Variants in ARRB1 observed in about 807,000 individuals in gnomAD.
ARRB1 encodes the protein arrestin beta 1.
Under a neutral mutation model 56.8 loss-of-function variants are expected in ARRB1, and 21 were observed. That is an observed-to-expected ratio of 0.37 (90% CI 0.26 to 0.53). The LOEUF is 0.53. Ranked by LOEUF, ARRB1 falls within the 20% of genes least tolerant of loss-of-function variation. The probability of loss-of-function intolerance (pLI) is 0.88; values close to 1 mark genes in which losing one functional copy is unlikely to be tolerated. For synonymous variants in ARRB1, 210 were observed against 218.6 expected (o/e 0.96, Z 0.35); for missense variants, 424 against 553.7 (o/e 0.77, Z 2.35).
intron 8 of ARRB1, 105 bp downstream of exon 8, chr11:75,278,504 G>A (rs552405691): frequency 2.5e-4 from 375 of 1,497,412 alleles, no homozygotes; most frequent in Non-Finnish European, 3.3e-4. Flanking sequence ...GCTGGGGATA[G>A]AAGCTCCTAC....
At chr11:75,335,216 G>T in intron 1 of ARRB1, 1 of 199,138 alleles carries the variant, frequency 5.0e-6, no homozygotes, top group East Asian at 1.7e-4. Context: ...CTTCTTGATG[G>T]GAGTCCCGCT....
In ARRB1 at chr11:75,285,707, CA is replaced by C. The variant is rs540969004; in HGVS notation, c.113-1429del. On this transcript the variant is annotated intron_variant, in intron 3 of 15. Transcript: ENST00000420843. ...GAGTTCTCGGGGATACCAGGGCTCA[CA>C]AGGGGCCTGGCACAAAGGGGGTGCT... is the stretch of plus-strand genomic sequence containing the variant. Among the ~76,000 whole-genome samples the C allele has an allele frequency of 2.5e-4, 38 of 152,282 alleles. 1 individual carries two copies. The South Asian group carries it at 7.5e-3, about 30-fold the overall frequency.
chr11:75,276,899 G>A lies in ARRB1; in HGVS notation c.716C>T (p.Ala239Val). 6.2e-7 allele frequency: 1 copy of A among 1,614,170 alleles called. No homozygotes were observed. Among genetic ancestry groups the A allele is most frequent in the Non-Finnish European group, 8.5e-7 (1 of 1,179,984 alleles). ...KKIKISVRQYADICLFNTAQY... is the reference protein window; with the variant it reads ...KKIKISVRQYVDICLFNTAQY... ...AGCTGTGTTGAAAAGGCAGATGTCT[G>A]CATACTGGCGCACTAGGGAGGGAGA... The change falls in exon 10 of 16, where the codon GCA (alanine) becomes GTA (valine). Residue 239 changes from alanine (A) to valine (V), a missense_variant. By Grantham distance (64) the Ala-to-Val change is moderately conservative (BLOSUM62 0). Transcript: ENST00000420843.
At chr11:75,297,864 CAAAAAA>C (rs34831668) in intron 1 of ARRB1, among the ~76,000 whole-genome samples, 4,034 of 29,192 alleles carry the variant, frequency 0.14, 91 homozygotes, top group Middle Eastern at 0.33. Context: ...GACTTTGTCT[CAAAAAA>C]AAAAAAAAAA....
intron 1 of ARRB1, among the ~76,000 whole-genome samples, chr11:75,321,940 G>A (rs1947354614): frequency 1.3e-5 from 2 of 152,164 alleles, no homozygotes; most frequent in South Asian, 4.1e-4. Flanking sequence ...AACTCCTTTG[G>A]TTACCATGAC....
intron 1 of ARRB1, among the ~76,000 whole-genome samples, chr11:75,338,445 G>T (rs1353012656): frequency 1.3e-5 from 2 of 152,306 alleles, no homozygotes; most frequent in Middle Eastern, 3.4e-3. Flanking sequence ...CCACAGGAAG[G>T]CATGGTTTTC....
intron 1 of ARRB1, among the ~76,000 whole-genome samples, chr11:75,346,294 A>G (rs1255847886): frequency 6.6e-6 from 1 of 151,992 alleles, no homozygotes; most frequent in Non-Finnish European, 1.5e-5. Context: ...AGCACATTAC[A>G]TGTCTTCCCC....
At position 75,263,031 on chromosome 11, in the gene ARRB1, G is replaced by A. The variant is rs1188953776; in HGVS notation, c.*3132C>T. 5.3e-5 allele frequency among the ~76,000 whole-genome samples: 8 copies of A among 152,214 alleles called. No individual in the cohort carries two copies. Among genetic ancestry groups the A allele is most frequent in the African/African-American group, 7.2e-5 (3 of 41,454 alleles). On this transcript the variant is annotated 3_prime_UTR_variant, in exon 16 of 16. Transcript: ENST00000420843. ...CGGGGCATGCTTTTCCTTCCTGCCC[G>A]GACCGGTGTCCACACGCCACCCACA...
At chr11:75,324,140 GTGGAGGGTTTTGT>G (rs1947391052) in intron 1 of ARRB1, among the ~76,000 whole-genome samples, 1 of 152,182 alleles carries the variant, frequency 6.6e-6, no homozygotes. Context: ...CTTGTCTAAT[GTGGAGGGTTTTGT>G]TGTTGCTTAA....
intron 1 of ARRB1, among the ~76,000 whole-genome samples, chr11:75,291,495 T>C (rs1402072193): frequency 6.6e-6 from 1 of 152,156 alleles, no homozygotes; most frequent in East Asian, 1.9e-4. Flanking sequence ...GTCACCCAGC[T>C]GGATAAGGAA....
intron 8 of ARRB1, among the ~76,000 whole-genome samples, chr11:75,278,058 TACAAA>T (rs1291263977): frequency 6.6e-6 from 1 of 152,186 alleles, no homozygotes; most frequent in Non-Finnish European, 1.5e-5. Flanking sequence ...TCTGAATCCC[TACAAA>T]AAGACCTCAA....
In ARRB1 at chr11:75,264,444, G is replaced by A. The variant is rs1945865617; in HGVS notation, c.*1719C>T. ...TGTCTGTGCCCACAGGGGGCTGTGA[G>A]GTACTGCAAGCCCTATCATAAGCCC... On this transcript the variant is annotated 3_prime_UTR_variant, in exon 16 of 16. Coordinates refer to ENST00000420843, the MANE Select transcript of ARRB1 (RefSeq NM_004041.5). The A allele has an allele frequency of 6.6e-6, 1 of 152,230 alleles. No individual in the cohort carries two copies. Among genetic ancestry groups the A allele is most frequent in the South Asian group, 2.1e-4 (1 of 4,830 alleles). The allele number at this position is 152,230 out of a possible 1,614,324, so 9.4% of individuals were successfully genotyped here.
chr11:75,277,379 T>C lies in ARRB1; in HGVS notation c.688A>G (p.Lys230Glu). The change falls in exon 9 of 16, where the codon AAG becomes GAG. Residue 230 changes from lysine (K) to glutamate (E), a missense_variant. Physicochemically the swap from Lys to Glu is moderately conservative, Grantham distance 56 (BLOSUM62 1). Around this residue, in one of 3 missense-constraint regions of ARRB1, gnomAD observed 301 missense variants for 387.9 expected, o/e 0.78. Transcript: ENST00000420843. ...VTNNTNKTVK[K>E]IKISVRQYAD... ...TCTGGGATACCTGAGATCTTGATCT[T>C]CTTCACCGTCTTGTTGGTGTTGTTG... 1.2e-6 allele frequency: 2 copies of C among 1,614,186 alleles called. No individual in the cohort carries two copies. The highest frequency in any genetic ancestry group is 1.7e-6 in the Non-Finnish European group (2 of 1,179,986).
intron 1 of ARRB1, among the ~76,000 whole-genome samples, chr11:75,312,396 G>C (rs1947181062): frequency 6.6e-6 from 1 of 152,168 alleles, no homozygotes; most frequent in African/African-American, 2.4e-5. Flanking sequence ...GACTGCCAGG[G>C]ACCTTGTCTT....
intron 1 of ARRB1, among the ~76,000 whole-genome samples, chr11:75,310,652 C>T (rs920695788): frequency 2.6e-5 from 4 of 152,134 alleles, no homozygotes; most frequent in African/African-American, 7.2e-5. Context: ...ACATTTCACC[C>T]TCATGAGGAA....
At chr11:75,288,915 C>T (rs969044430) in intron 2 of ARRB1, among the ~76,000 whole-genome samples, 1 of 152,198 alleles carries the variant, frequency 6.6e-6, no homozygotes, top group African/African-American at 2.4e-5. Context: ...TCTAACCATG[C>T]TACTGCCGCC....
At chr11:75,277,309 C>A in intron 9 of ARRB1, 55 bp downstream of exon 9, 1 of 1,548,080 alleles carries the variant, frequency 6.5e-7, no homozygotes, top group Non-Finnish European at 8.9e-7. Flanking sequence ...CCACCCCCAG[C>A]CCTTGGGAAG....
chr11:75,320,048 C>A (rs1486960004), intron 1 of ARRB1, among the ~76,000 whole-genome samples: 1 of 152,216 alleles, frequency 6.6e-6, no homozygotes, highest in Non-Finnish European at 1.5e-5. Context: ...CCAAAGTCCC[C>A]CCCAGAGCAG....
chr11:75,344,535 C>A (rs1279370554), intron 1 of ARRB1, among the ~76,000 whole-genome samples: 2 of 152,152 alleles, frequency 1.3e-5, no homozygotes, highest in Non-Finnish European at 2.9e-5. Flanking sequence ...CTGTCCATGC[C>A]CTTTGCACAA....
Sources: gnomAD v4.1 joint callset for allele counts (sites outside exome capture counted in the v4.1 genomes callset) on GRCh38, gnomAD v4.1.1 for gene constraint, gnomAD v4.1.1 regional missense constraint, MANE v1.5 for transcripts, NCBI Gene and HGNC (gene_info 2026-07-23, HGNC 2026-07-21) for gene names.